Variants in LRRTM4 observed in about 807,000 individuals in gnomAD.
LRRTM4 encodes the protein leucine-rich repeat transmembrane neuronal protein 4.
LRRTM4 carries 25 observed loss-of-function variants against 47.6 expected under a neutral mutation model. The observed-to-expected ratio is 0.53, with a 90% confidence interval of 0.38 to 0.73. LRRTM4 has a LOEUF of 0.73. Ranked by LOEUF, LRRTM4 falls within the 30% of genes least tolerant of loss-of-function variation. The probability of loss-of-function intolerance (pLI) is 0.00; values close to 1 mark genes in which losing one functional copy is unlikely to be tolerated. For synonymous variants in LRRTM4, 311 were observed against 269.5 expected (o/e 1.15, Z -1.51); for missense variants, 638 against 713.4 (o/e 0.89, Z 1.20).
chr2:76,900,967 T>A, intron 3 of LRRTM4, among the ~76,000 whole-genome samples: 1 of 152,182 alleles, frequency 6.6e-6, no homozygotes, highest in East Asian at 1.9e-4. Flanking sequence ...TCTTTCTCTC[T>A]TTTTTTGGAG....
chr2:76,981,590 G>C (rs1676609997), intron 3 of LRRTM4, among the ~76,000 whole-genome samples: 1 of 151,970 alleles, frequency 6.6e-6, no homozygotes, highest in South Asian at 2.1e-4. Flanking sequence ...AAACTCCTGG[G>C]CTCAAGGCAC....
chr2:77,055,243 A>G (rs62170916), intron 3 of LRRTM4, among the ~76,000 whole-genome samples: 18,371 of 152,210 alleles, frequency 0.12, 1,396 homozygotes, highest in Admixed American at 0.19. Context: ...AAATAAAAAG[A>G]TACCACAGAA....
intron 3 of LRRTM4, among the ~76,000 whole-genome samples, chr2:76,781,638 A>C (rs192118160): frequency 6.6e-6 from 1 of 152,302 alleles, no homozygotes; most frequent in East Asian, 1.9e-4. Flanking sequence ...GCACCCACTG[A>C]CCTGCGCCCA....
At chr2:77,416,802 G>C (rs191258233) in intron 3 of LRRTM4, among the ~76,000 whole-genome samples, 3 of 151,920 alleles carry the variant, frequency 2.0e-5, no homozygotes, top group Admixed American at 1.3e-4. Context: ...TGCATAAATG[G>C]GTCCTTAAAA....
chr2:76,757,142 C>T (rs570984882), intron 3 of LRRTM4, among the ~76,000 whole-genome samples: 14 of 152,062 alleles, frequency 9.2e-5, no homozygotes, highest in African/African-American at 2.9e-4. Context: ...AGATTGAGCA[C>T]GCAAAATGTA....
chr2:77,319,768 A>G (rs1677733268), intron 3 of LRRTM4, among the ~76,000 whole-genome samples: 1 of 152,200 alleles, frequency 6.6e-6, no homozygotes. Context: ...TGAAATAACC[A>G]TACTACATGG....
intron 3 of LRRTM4, among the ~76,000 whole-genome samples, chr2:77,438,444 T>C (rs1675696702): frequency 1.5e-5 from 2 of 137,072 alleles, no homozygotes; most frequent in Admixed American, 1.6e-4. Flanking sequence ...TCTCGCTCTG[T>C]CGCCCAGGCT....
At chr2:76,983,911 T>A (rs114211861) in intron 3 of LRRTM4, among the ~76,000 whole-genome samples, 1,888 of 152,166 alleles carry the variant, frequency 0.012, 39 homozygotes, top group African/African-American at 0.043. Context: ...TGTTTCTAGA[T>A]GACATGCACC....
rs545246124 is a variant in LRRTM4, at chr2:77,260,045, T to A, written c.1551+258273A>T. Among the ~76,000 whole-genome samples, 23 of 152,144 alleles carry A rather than the reference T, an allele frequency of 1.5e-4. No homozygotes were observed. The South Asian group carries it at 4.4e-3, about 29-fold the overall frequency. On this transcript the variant is annotated intron_variant, in intron 3 of 3. Transcript: ENST00000409884. ...GTGTCAGGAGGTTTTAGATGTAAAT[T>A]AAAATAACCAGTCTAATAGATGATA...
Position 77,083,801 on chromosome 2 carries a change from T to G in LRRTM4, c.1552-334885A>C, listed in dbSNP as rs199592525. Among the ~76,000 whole-genome samples, 298 of 96,012 alleles carry G rather than the reference T, an allele frequency of 3.1e-3. 2 individuals carry two copies. The highest frequency in any genetic ancestry group is 9.5e-3 in the South Asian group (23 of 2,426). The allele number at this position is 96,012 out of a possible 152,430, so 63.0% of individuals were successfully genotyped here. ...GGACACACTTTTTTTTTTTTTTTTT[T>G]TTTTTTTTTTTTTTTTTTTTTCAGA... On this transcript the variant is annotated intron_variant, in intron 3 of 3. Coordinates refer to ENST00000409884, the MANE Select transcript of LRRTM4 (RefSeq NM_001134745.3).
intron 3 of LRRTM4, among the ~76,000 whole-genome samples, chr2:77,151,701 T>C (rs1245309612): frequency 1.3e-5 from 2 of 152,216 alleles, no homozygotes; most frequent in African/African-American, 4.8e-5. Flanking sequence ...GCATTTCATG[T>C]TCTTTTTAAA....
At chr2:77,252,831 G>A (rs1675658994) in intron 3 of LRRTM4, among the ~76,000 whole-genome samples, 1 of 152,106 alleles carries the variant, frequency 6.6e-6, no homozygotes, top group African/African-American at 2.4e-5. Flanking sequence ...TTCTCTTAAA[G>A]TTCTGGATGT....
In LRRTM4 at chr2:76,751,996, C is replaced by T. The variant is rs543893867; in HGVS notation, c.1552-3080G>A. Among the ~76,000 whole-genome samples the T allele has an allele frequency of 3.9e-5, 6 of 152,270 alleles. 1 individual carries two copies. In the East Asian group the frequency reaches 1.2e-3, roughly 29 times the overall value. ...TTTATTCTACACTTTAACTTAAATACATGACTAATTTTCTACAAATTAGCC... is the reference window on the plus strand; with the variant it reads ...TTTATTCTACACTTTAACTTAAATATATGACTAATTTTCTACAAATTAGCC... On this transcript the variant is annotated intron_variant, in intron 3 of 3. Coordinates refer to ENST00000409884, the MANE Select transcript of LRRTM4 (RefSeq NM_001134745.3).
intron 3 of LRRTM4, among the ~76,000 whole-genome samples, chr2:76,922,867 T>A (rs1057065290): frequency 2.6e-5 from 4 of 152,122 alleles, no homozygotes; most frequent in African/African-American, 9.7e-5. Context: ...AAGGCTAGAT[T>A]GATCTTCATC....
At chr2:77,480,829 GAGAGAGAGAGA>G (rs1422502672) in intron 3 of LRRTM4, among the ~76,000 whole-genome samples, 1,274 of 41,262 alleles carry the variant, frequency 0.031, 3 homozygotes, top group Non-Finnish European at 0.041. Flanking sequence ...TGTGGAGAGA[GAGAGAGAGAGA>G]GAGAGAGAGA....
At chr2:77,077,434 T>C (rs1420125893) in intron 3 of LRRTM4, among the ~76,000 whole-genome samples, 3 of 152,164 alleles carry the variant, frequency 2.0e-5, no homozygotes, top group Non-Finnish European at 4.4e-5. Flanking sequence ...TTTCAAGTTC[T>C]TCCAGGAAAC....
chr2:77,053,148 T>C (rs1189438688), intron 3 of LRRTM4, among the ~76,000 whole-genome samples: 1 of 152,120 alleles, frequency 6.6e-6, no homozygotes, highest in Non-Finnish European at 1.5e-5. Flanking sequence ...AAAATGCAAA[T>C]GTATCAGTAA....
chr2:77,465,617 T>C (rs1391174802), intron 3 of LRRTM4, among the ~76,000 whole-genome samples: 1 of 151,942 alleles, frequency 6.6e-6, no homozygotes, highest in Non-Finnish European at 1.5e-5. Flanking sequence ...TCAAGGAAAA[T>C]TTCCGGGAAT....
chr2:76,807,943 TTCTTTC>T lies in LRRTM4; in HGVS notation c.1552-59033_1552-59028del, dbSNP rs1346447060. 5.3e-3 allele frequency among the ~76,000 whole-genome samples: 725 copies of T among 136,918 alleles called. 12 individuals carry two copies. The highest frequency in any genetic ancestry group is 0.02 in the African/African-American group (681 of 34,526). 89.8% of individuals were successfully genotyped at this position (136,918 alleles called of 152,430 possible). ...CCTTTCTTTCCTTTCCTTTCTTTCT[TTCTTTC>T]TTTCTTTTTCTTTTTCTTTCCTTCC... On this transcript the variant is annotated intron_variant, in intron 3 of 3. Coordinates refer to ENST00000409884, the MANE Select transcript of LRRTM4 (RefSeq NM_001134745.3).
Sources: allele counts gnomAD v4.1 joint callset (sites outside exome capture counted in the v4.1 genomes callset), GRCh38; gene constraint gnomAD v4.1.1; transcripts MANE v1.5; gene names NCBI Gene and HGNC (gene_info 2026-07-23, HGNC 2026-07-21).